Variants in SEL1L2 observed in about 807,000 individuals in gnomAD.
SEL1L2 encodes the protein protein sel-1 homolog 2.
In SEL1L2, 89 loss-of-function variants were observed where a neutral mutation model predicts 98.8. That is an observed-to-expected ratio of 0.90 (90% confidence interval 0.76 to 1.07). SEL1L2 has a LOEUF of 1.07. SEL1L2 is among the 50% of genes least tolerant of loss of function. The pLI is 0.00. For missense variants in SEL1L2, 788 were observed against 812.0 expected (o/e 0.97, Z 0.36); for synonymous variants, 262 against 278.5 (o/e 0.94, Z 0.59).
chr20:13,963,835 G>A (rs2050897209), intron 1 of SEL1L2, among the ~76,000 whole-genome samples: 6 of 152,064 alleles, frequency 3.9e-5, no homozygotes, highest in Admixed American at 3.3e-4. Context: ...CCTAGAGTAG[G>A]AATACAAACG....
At position 13,865,196 on chromosome 20, in the gene SEL1L2, A is replaced by G. The variant is rs1990790465; in HGVS notation, c.1616T>C (p.Leu539Pro). 1 of 1,613,574 alleles carries G rather than the reference A, an allele frequency of 6.2e-7. No individual in the cohort carries two copies. The highest frequency in any genetic ancestry group is 8.5e-7 in the Non-Finnish European group (1 of 1,179,568). ...AATGGCAGCTCGATTCCATAGGAGA[A>G]GCGCCATTGGATACATCTTCTCTTT... Reference protein sequence around the residue: ...LEKEKMYPMALLLWNRAAIQG... With the variant: ...LEKEKMYPMAPLLWNRAAIQG... Residue 539 changes from leucine (L) to proline (P), a missense_variant, in exon 17 of 20, where the codon CTT (leucine) becomes CCT (proline). Coordinates refer to ENST00000284951, the MANE Select transcript of SEL1L2 (RefSeq NM_025229.2).
intron 12 of SEL1L2, among the ~76,000 whole-genome samples, chr20:13,874,937 T>C (rs573437686): frequency 2.6e-5 from 4 of 152,264 alleles, no homozygotes; most frequent in Admixed American, 2.6e-4. Context: ...AGCAGGCCGA[T>C]GGGTGTGGGA....
intron 2 of SEL1L2, among the ~76,000 whole-genome samples, chr20:13,954,584 T>C (rs754354988): frequency 1.3e-5 from 2 of 152,188 alleles, no homozygotes; most frequent in African/African-American, 2.4e-5. Flanking sequence ...TTCTGAAATA[T>C]CTTAGAATAG....
chr20:13,915,061 G>GA (rs35631851), intron 4 of SEL1L2: 287 of 1,243,870 alleles, frequency 2.3e-4, no homozygotes, highest in African/African-American at 1.9e-3. Flanking sequence ...CAAATACAGG[G>GA]AAAAAAAACC....
chr20:13,968,204 T>G (rs2148497424), intron 1 of SEL1L2, among the ~76,000 whole-genome samples: 1 of 152,370 alleles, frequency 6.6e-6, no homozygotes, highest in Middle Eastern at 3.4e-3. Context: ...TCTGGAATAG[T>G]TCCGTTACTT....
At chr20:13,915,255 C>T (rs2048355327) in intron 4 of SEL1L2, 1 of 1,288,468 alleles carries the variant, frequency 7.8e-7, no homozygotes, top group African/African-American at 1.5e-5. Flanking sequence ...GATGTCAAAA[C>T]ACAGGGTGAG....
At chr20:13,864,037 T>C (rs1304171592) in intron 17 of SEL1L2, among the ~76,000 whole-genome samples, 2 of 152,098 alleles carry the variant, frequency 1.3e-5, no homozygotes, top group Non-Finnish European at 2.9e-5. Context: ...ACCCTTGTTT[T>C]CAATGTCTCT....
intron 1 of SEL1L2, among the ~76,000 whole-genome samples, chr20:13,972,694 C>T (rs1000423227): frequency 2.0e-5 from 3 of 152,178 alleles, no homozygotes; most frequent in Non-Finnish European, 2.9e-5. Context: ...ATCATTTTCA[C>T]CTCAGTATTT....
intron 5 of SEL1L2, among the ~76,000 whole-genome samples, chr20:13,893,390 C>A (rs566039916): frequency 1.3e-5 from 2 of 152,270 alleles, no homozygotes; most frequent in South Asian, 4.1e-4. Context: ...AGAAAACTGA[C>A]TTTAAGCCAA....
At chr20:13,939,144 A>G (rs1009286490) in intron 2 of SEL1L2, among the ~76,000 whole-genome samples, 2 of 148,950 alleles carry the variant, frequency 1.3e-5, no homozygotes, top group African/African-American at 2.5e-5. Flanking sequence ...CCTGGGTTCA[A>G]GTGATTCTCC....
intron 5 of SEL1L2, among the ~76,000 whole-genome samples, chr20:13,888,743 A>G (rs1245524943): frequency 2.2e-5 from 3 of 136,604 alleles, no homozygotes; most frequent in Non-Finnish European, 4.6e-5. Flanking sequence ...GGTTCAAGTG[A>G]TTCTCCTGCC....
intron 1 of SEL1L2, among the ~76,000 whole-genome samples, chr20:13,977,508 TAGG>T (rs2051599593): frequency 6.6e-6 from 1 of 152,074 alleles, no homozygotes; most frequent in South Asian, 2.1e-4. Flanking sequence ...TGGGATCCAT[TAGG>T]AGCAGGTAGA....
intron 5 of SEL1L2, among the ~76,000 whole-genome samples, chr20:13,888,872 T>A (rs1478269445): frequency 6.6e-6 from 1 of 150,616 alleles, no homozygotes; most frequent in Non-Finnish European, 1.5e-5. Flanking sequence ...GGTCTTGATC[T>A]CCTGACCTCG....
intron 1 of SEL1L2, among the ~76,000 whole-genome samples, chr20:13,984,149 T>C (rs2052017120): frequency 6.6e-6 from 1 of 151,996 alleles, no homozygotes. Context: ...GTAGCTGAGA[T>C]TACAGGCACA....
rs906104700 is a variant in SEL1L2, at chr20:13,861,172, T to A, written c.1646-1738A>T. Among the ~76,000 whole-genome samples, 6 of 152,224 alleles carry A rather than the reference T, an allele frequency of 3.9e-5. No individual in the cohort carries two copies. The South Asian group carries it at 6.2e-4, about 16-fold the overall frequency. ...ACAACAGCCAGGATGATCTTTTTTTTTATTTTTATTTATTTATTTTTGAGA... is the reference window on the plus strand; with the variant it reads ...ACAACAGCCAGGATGATCTTTTTTTATATTTTTATTTATTTATTTTTGAGA... On this transcript the variant is annotated intron_variant, in intron 17 of 19. Transcript: ENST00000284951.
rs2050803620 is a variant in SEL1L2 at position 13,962,071 on chromosome 20, GATGAT to G, written c.59-5945_59-5941del. Among the ~76,000 whole-genome samples the G allele has an allele frequency of 4.6e-5, 7 of 152,324 alleles. No homozygotes were observed. The South Asian group carries it at 1.4e-3, about 32-fold the overall frequency. ...CCATGAGATGATGGATTCCGAGCTT[GATGAT>G]ATGATAAAGTGAGACCTGGGCAATT... is the stretch of plus-strand genomic sequence containing the variant. On this transcript the variant is annotated intron_variant, in intron 1 of 19. Coordinates refer to ENST00000284951, the MANE Select transcript of SEL1L2 (RefSeq NM_025229.2).
At chr20:13,906,316 A>T (rs1299386194) in intron 5 of SEL1L2, among the ~76,000 whole-genome samples, 1 of 152,234 alleles carries the variant, frequency 6.6e-6, no homozygotes, top group African/African-American at 2.4e-5. Context: ...CAAGTTCCAT[A>T]ATAACAATTT....
At chr20:13,994,633 C>T (rs1032438178), upstream of SEL1L2, among the ~76,000 whole-genome samples, 2 of 152,086 alleles carry the variant, frequency 1.3e-5, no homozygotes, top group East Asian at 3.9e-4. Context: ...ACTCATGTGG[C>T]GGACTTTAGT....
At chr20:13,952,436 G>A (rs1028571850) in intron 2 of SEL1L2, among the ~76,000 whole-genome samples, 12 of 152,210 alleles carry the variant, frequency 7.9e-5, no homozygotes, top group African/African-American at 2.9e-4. Flanking sequence ...CTGATAGTAG[G>A]TGGGATAGAG....
Sources: gnomAD v4.1 joint callset for allele counts (sites outside exome capture counted in the v4.1 genomes callset) on GRCh38, gnomAD v4.1.1 for gene constraint, MANE v1.5 for transcripts, NCBI Gene and HGNC (gene_info 2026-07-23, HGNC 2026-07-21) for gene names.